Variants in SCAPER observed in about 807,000 individuals in gnomAD.
The protein encoded by SCAPER is S phase cyclin A-associated protein in the endoplasmic reticulum.
Under a neutral mutation model 182.2 loss-of-function variants are expected in SCAPER, and 98 were observed. The ratio of observed to expected loss-of-function variants is 0.54; its 90% confidence interval spans 0.46 to 0.64. The LOEUF (loss-of-function observed/expected upper bound fraction) is 0.64, where lower values mean the gene tolerates loss of function less well. Among genes scored for constraint, SCAPER ranks in the 30% least tolerant of loss-of-function variants. SCAPER has a pLI of 0.00. For synonymous variants in SCAPER, 605 were observed against 564.6 expected, an observed-to-expected ratio of 1.07 and a Z score of -1.01; for missense variants, 1,432 against 1,690.0, an observed-to-expected ratio of 0.85 and a Z score of 2.68.
intron 29 of SCAPER, among the ~76,000 whole-genome samples, chr15:76,357,221 G>A (rs11072591): frequency 0.33 from 49,157 of 148,838 alleles, 8,441 homozygotes; most frequent in East Asian, 0.59. Flanking sequence ...TCGCTTAGGT[G>A]AATAAGCTGA....
At chr15:76,716,826 G>A (rs866920631) in intron 17 of SCAPER, among the ~76,000 whole-genome samples, 3 of 151,936 alleles carry the variant, frequency 2.0e-5, no homozygotes, top group Admixed American at 2.0e-4. Flanking sequence ...AATCCCAAAG[G>A]GGGAAGAAAC....
At chr15:76,655,401 C>A (rs1404597458) in intron 21 of SCAPER, among the ~76,000 whole-genome samples, 1 of 151,974 alleles carries the variant, frequency 6.6e-6, no homozygotes, top group African/African-American at 2.4e-5. Context: ...TGTAAAGAGA[C>A]CAAATCTATG....
intron 26 of SCAPER, among the ~76,000 whole-genome samples, chr15:76,419,285 C>T (rs765626966): frequency 4.8e-5 from 7 of 147,146 alleles, no homozygotes; most frequent in Non-Finnish European, 1.0e-4. Context: ...GCCAAGATCG[C>T]ACCATTGCAC....
intron 20 of SCAPER, among the ~76,000 whole-genome samples, chr15:76,679,954 C>T (rs562449977): frequency 1.4e-4 from 21 of 152,244 alleles, no homozygotes; most frequent in Non-Finnish European, 2.2e-4. Context: ...TTGTACTGAA[C>T]CATGCCTTGT....
At chr15:76,488,167 C>T (rs1164042310) in intron 24 of SCAPER, among the ~76,000 whole-genome samples, 3 of 151,986 alleles carry the variant, frequency 2.0e-5, no homozygotes, top group Non-Finnish European at 4.4e-5. Flanking sequence ...AGATAAAATA[C>T]CTTCTGAATT....
At chr15:76,605,736 C>G (rs1352168064) in intron 22 of SCAPER, among the ~76,000 whole-genome samples, 1 of 152,166 alleles carries the variant, frequency 6.6e-6, no homozygotes, top group East Asian at 1.9e-4. Context: ...TCAGCTTCTT[C>G]CTGGTTTAGT....
At chr15:76,864,750 C>T (rs765872369) in intron 2 of SCAPER, among the ~76,000 whole-genome samples, 7 of 151,824 alleles carry the variant, frequency 4.6e-5, no homozygotes, top group Non-Finnish European at 7.4e-5. Context: ...AACAACTACT[C>T]AATTTTGCCA....
At chr15:76,533,807 C>T (rs2043889533) in intron 23 of SCAPER, among the ~76,000 whole-genome samples, 1 of 152,086 alleles carries the variant, frequency 6.6e-6, no homozygotes, top group Non-Finnish European at 1.5e-5. Context: ...TATCTATCAG[C>T]ACACTTTTCT....
chr15:76,683,499 AT>A (rs2057852978), intron 20 of SCAPER, among the ~76,000 whole-genome samples: 1 of 152,164 alleles, frequency 6.6e-6, no homozygotes, highest in Non-Finnish European at 1.5e-5. Flanking sequence ...GTTATCATCC[AT>A]GAAAATTTCC....
At chr15:76,699,982 CG>C (rs920891558) in intron 20 of SCAPER, among the ~76,000 whole-genome samples, 8 of 152,178 alleles carry the variant, frequency 5.3e-5, no homozygotes, top group African/African-American at 1.9e-4. Flanking sequence ...GGTAGTTGCA[CG>C]CCAGCAGGGG....
rs150503731 is a variant in SCAPER, at chr15:76,857,097, T to C, written c.195+712A>G. Among the ~76,000 whole-genome samples the C allele has an allele frequency of 5.9e-5, 9 of 152,198 alleles. No individual in the cohort carries two copies. The East Asian group carries it at 1.5e-3, about 26-fold the overall frequency. On this transcript the variant is annotated intron_variant, in intron 4 of 31. Transcript: ENST00000563290. ...AAAATCATAAAAGAACTGGCAAACA[T>C]TGAAGGCATAGCAGAGGAGCTAAGA...
chr15:76,757,917 T>C (rs927294292), intron 14 of SCAPER, among the ~76,000 whole-genome samples: 2 of 152,198 alleles, frequency 1.3e-5, no homozygotes, highest in African/African-American at 4.8e-5. Context: ...TTGAGAAGTG[T>C]CTCTTTAAGT....
chr15:76,459,542 G>GAT (rs2048993828), intron 25 of SCAPER, among the ~76,000 whole-genome samples: 2 of 17,210 alleles, frequency 1.2e-4, no homozygotes, highest in African/African-American at 2.4e-4. Flanking sequence ...GAATTATTAG[G>GAT]GTTTTTTTTT....
chr15:76,376,128 G>C (rs763208532), intron 29 of SCAPER, 34 bp downstream of exon 29: 1 of 1,610,088 alleles, frequency 6.2e-7, no homozygotes, highest in Non-Finnish European at 8.5e-7. Context: ...CAGCACTGGG[G>C]GAGCAGTCTA....
chr15:76,365,307 TG>T (rs1264515032), intron 29 of SCAPER, among the ~76,000 whole-genome samples: 1 of 152,254 alleles, frequency 6.6e-6, no homozygotes, highest in Admixed American at 6.5e-5. Context: ...TTCATAGGGA[TG>T]AAAAGCTAAC....
intron 14 of SCAPER, among the ~76,000 whole-genome samples, chr15:76,764,522 G>A (rs1243761452): frequency 1.3e-5 from 2 of 152,200 alleles, no homozygotes; most frequent in Admixed American, 6.5e-5. Context: ...TGTGGGACAG[G>A]GCAGTAGCTT....
chr15:76,413,001 G>GT (rs1442340391), intron 26 of SCAPER, among the ~76,000 whole-genome samples: 1 of 151,876 alleles, frequency 6.6e-6, no homozygotes, highest in Non-Finnish European at 1.5e-5. Context: ...AAATGGTATT[G>GT]TTTTTTAAAT....
chr15:76,769,506 G>T (rs1010041125), intron 10 of SCAPER, among the ~76,000 whole-genome samples: 1 of 149,828 alleles, frequency 6.7e-6, no homozygotes, highest in African/African-American at 2.4e-5. Flanking sequence ...AGTGGGCAAA[G>T]GATATGAACA....
At chr15:76,626,042 G>T (rs1380093684) in intron 21 of SCAPER, among the ~76,000 whole-genome samples, 1 of 152,064 alleles carries the variant, frequency 6.6e-6, no homozygotes, top group African/African-American at 2.4e-5. Context: ...GAAAGTTTGC[G>T]AATTTGTGTT....
Sources: allele counts gnomAD v4.1 joint callset (sites outside exome capture counted in the v4.1 genomes callset), GRCh38; gene constraint gnomAD v4.1.1; transcripts MANE v1.5; gene names NCBI Gene and HGNC (gene_info 2026-07-23, HGNC 2026-07-21).